PCDHGA8: variants seen among roughly 807,000 people sequenced by gnomAD.
PCDHGA8 encodes the protein protocadherin gamma-A8.
In PCDHGA8, 45 loss-of-function variants were observed where a neutral mutation model predicts 59.2. The observed-to-expected ratio is 0.76, with a 90% CI of 0.60 to 0.98. PCDHGA8 has a LOEUF of 0.98. Ranked by LOEUF, PCDHGA8 falls within the 50% of genes least tolerant of loss-of-function variation. The pLI, the probability that PCDHGA8 is intolerant of heterozygous loss-of-function variation, is 0.00. For missense variants in PCDHGA8, 1,257 were observed against 1,196.2 expected (o/e 1.05, Z -0.75); for synonymous variants, 531 against 519.0 (o/e 1.02, Z -0.32).
chr5:141,427,161 G>A (rs1561826750), intron 1 of PCDHGA8: 1 of 456,698 alleles, frequency 2.2e-6, no homozygotes, highest in Non-Finnish European at 4.4e-6. Flanking sequence ...GTTTGTGCTA[G>A]ACCATCAAAA....
In PCDHGA8 at chr5:141,477,857, C is replaced by A. The variant is rs548674958; in HGVS notation, c.2425-16950C>A. On this transcript the variant is annotated intron_variant, in intron 1 of 3. Transcript: ENST00000398604. The surrounding 1 kb of genome is among the most constrained non-coding windows in gnomAD (Gnocchi z 4.9). ...AGGTGGGAGCTCGGTGGAGATGCTG[C>A]CTCGAGGTACCTCAGCTGGCCACCT... 2.9e-5 allele frequency: 47 copies of A among 1,613,454 alleles called. No individual in the cohort carries two copies. In the South Asian group the frequency reaches 4.9e-4, roughly 17 times the overall value.
At chr5:141,406,021 G>A (rs530576205) in intron 1 of PCDHGA8, among the ~76,000 whole-genome samples, 1 of 151,382 alleles carries the variant, frequency 6.6e-6, no homozygotes, top group East Asian at 1.9e-4. Context: ...GGCTTTTTGG[G>A]TAGGGTTGCT....
At chr5:141,423,533 T>C (rs2096751691) in intron 1 of PCDHGA8, 1 of 1,613,650 alleles carries the variant, frequency 6.2e-7, no homozygotes, top group Non-Finnish European at 8.5e-7. Flanking sequence ...AAGAGTCACC[T>C]GATTTTCCCC....
intron 1 of PCDHGA8, among the ~76,000 whole-genome samples, chr5:141,435,017 C>T (rs1477938779): frequency 1.3e-5 from 2 of 151,994 alleles, no homozygotes; most frequent in Middle Eastern, 3.2e-3. Flanking sequence ...AATGATAATG[C>T]TCTTTTCCCA....
At chr5:141,458,727 A>G (rs1424554234) in intron 1 of PCDHGA8, among the ~76,000 whole-genome samples, 1 of 151,570 alleles carries the variant, frequency 6.6e-6, no homozygotes, top group East Asian at 1.9e-4. Flanking sequence ...TCGCCACCAC[A>G]TCCAGCTATT....
rs747671382 is a variant in PCDHGA8 at position 141,444,152 on chromosome 5, A to ATTTTTT, written c.2424+48946_2424+48951dup. ...GATATGTGTCACTTGTGTGTACTGG[A>ATTTTTT]TTTTTTTTTTTTTTTTTTTTTTTTT... On this transcript the variant is annotated intron_variant, in intron 1 of 3. Coordinates refer to ENST00000398604, the MANE Select transcript of PCDHGA8 (RefSeq NM_032088.2). Among the ~76,000 whole-genome samples the ATTTTTT allele has an allele frequency of 3.5e-4, 12 of 33,898 alleles. 1 individual carries two copies. Among genetic ancestry groups the ATTTTTT allele is most frequent in the African/African-American group, 4.2e-4 (3 of 7,184 alleles). The allele number at this position is 33,898 out of a possible 152,430, so 22.2% of individuals were successfully genotyped here.
At position 141,510,965 on chromosome 5, in the gene PCDHGA8, C is replaced by T. The variant is rs1473736492; in HGVS notation, c.2591C>T (p.Ser864Phe). The T allele has an allele frequency of 3.1e-6, 5 of 1,614,026 alleles. No homozygotes were observed. The highest frequency in any genetic ancestry group is 4.2e-6 in the Non-Finnish European group (5 of 1,180,020). The change falls in exon 4 of 4, where the codon TCC becomes TTC. Residue 864 changes from serine (S) to phenylalanine (F), a missense_variant. Transcript: ENST00000398604. ...TCTGCAGAAGCTGCTGATGGGAGCT[C>T]CACCCTGGGAGGGGGTGCCGGCACC... ...ASASEAADGS[S>F]TLGGGAGTMG...
intron 1 of PCDHGA8, chr5:141,408,708 A>G (rs773303576): frequency 6.2e-6 from 10 of 1,612,888 alleles, no homozygotes; most frequent in Non-Finnish European, 8.5e-6. Flanking sequence ...TCAATTAAAG[A>G]TTATAAGATA....
At chr5:141,422,690 T>G (rs1384522137) in intron 1 of PCDHGA8, 1 of 1,603,908 alleles carries the variant, frequency 6.2e-7, no homozygotes, top group Admixed American at 1.7e-5. Context: ...AATGCCCTGG[T>G]CACTTACTCT....
Position 141,494,815 on chromosome 5 carries a change from G to C in PCDHGA8, c.2433G>C (p.Pro811=). 6.2e-7 allele frequency: 1 copy of C among 1,613,976 alleles called. No individual in the cohort carries two copies. The highest frequency in any genetic ancestry group is 8.5e-7 in the Non-Finnish European group (1 of 1,179,982). Residue 811 remains proline, a synonymous_variant, in exon 2 of 4, where the codon CCG becomes CCC. Transcript: ENST00000398604. Reference sequence around the variant, plus strand: ...CTCTGTTTTCTCCACAGCAAGCCCCGCCCAACACGGACTGGCGTTTCTCTC... The same window carrying C: ...CTCTGTTTTCTCCACAGCAAGCCCCCCCCAACACGGACTGGCGTTTCTCTC... ...KNEADHGQQA[P]PNTDWRFSQA...
Position 141,511,590 on chromosome 5 carries a change from A to C in PCDHGA8, c.*417A>C, listed in dbSNP as rs2099883868. On this transcript the variant is annotated 3_prime_UTR_variant, in exon 4 of 4. Transcript: ENST00000398604. ...AGTAAGGTGGTTGGGGTGTTGAAGT[A>C]CCAAGTAACCTACAAGCCTCCTAGT... The C allele has an allele frequency of 3.7e-6, 1 of 267,790 alleles. No homozygotes were observed. Among genetic ancestry groups the C allele is most frequent in the Admixed American group, 4.8e-5 (1 of 20,946 alleles). The allele number at this position is 267,790 out of a possible 1,614,324, so 16.6% of individuals were successfully genotyped here.
chr5:141,419,886 G>A lies in PCDHGA8; in HGVS notation c.2424+24649G>A, dbSNP rs1195529127. ...TTGCAAGAGGTACTGCCGGATTTCA[G>A]CGACCATCCCACACCCTCTGACTCC... On this transcript the variant is annotated intron_variant, in intron 1 of 3. Transcript: ENST00000398604. 1.9e-6 allele frequency: 3 copies of A among 1,614,076 alleles called. No individual in the cohort carries two copies. In the East Asian group the frequency reaches 6.7e-5, roughly 36 times the overall value.
At chr5:141,494,755 C>T (rs1246224213) in intron 1 of PCDHGA8, 52 bp from the exon 2 acceptor site, 18 of 1,613,724 alleles carry the variant, frequency 1.1e-5, no homozygotes, top group African/African-American at 1.3e-5. Context: ...GCTCGGGTGA[C>T]ATTCTAACTT....
At chr5:141,404,323 C>G (rs777252767) in intron 1 of PCDHGA8, 24 of 1,613,756 alleles carry the variant, frequency 1.5e-5, no homozygotes, top group Non-Finnish European at 2.0e-5. Flanking sequence ...AAGCCTCCTA[C>G]TCAGTCTACC....
chr5:141,431,571 A>T lies in PCDHGA8; in HGVS notation c.2424+36334A>T, dbSNP rs781289120. 1.2e-6 allele frequency: 2 copies of T among 1,614,026 alleles called. No homozygotes were observed. Among genetic ancestry groups the T allele is most frequent in the African/African-American group, 1.3e-5 (1 of 74,938 alleles). On this transcript the variant is annotated intron_variant, in intron 1 of 3. Coordinates refer to ENST00000398604, the MANE Select transcript of PCDHGA8 (RefSeq NM_032088.2). This position sits in a 1 kb window ranked among gnomAD's most constrained non-coding sequence, Gnocchi z 4.8. ...GTAGTCAACGCTACCGACCCTGACG[A>T]AGGAGTCAATGCGGAAGTGAGGTAT...
At chr5:141,462,648 C>T (rs2099044153) in intron 1 of PCDHGA8, among the ~76,000 whole-genome samples, 1 of 137,364 alleles carries the variant, frequency 7.3e-6, no homozygotes, top group Admixed American at 7.1e-5. Flanking sequence ...TCATTTCCAT[C>T]CTCAATTATC....
intron 1 of PCDHGA8, chr5:141,414,344 T>C: frequency 6.2e-7 from 1 of 1,613,882 alleles, no homozygotes; most frequent in Non-Finnish European, 8.5e-7. Flanking sequence ...ACCTGTTCCA[T>C]TTTGGCGTAT....
chr5:141,414,783 G>C, intron 1 of PCDHGA8: 2 of 1,614,220 alleles, frequency 1.2e-6, no homozygotes, highest in Non-Finnish European at 1.7e-6. Context: ...AGATGCAGGT[G>C]ACAGCCAGCG....
At chr5:141,396,729 T>C (rs1197764011) in intron 1 of PCDHGA8, 1 of 152,214 alleles carries the variant, frequency 6.6e-6, no homozygotes, top group Non-Finnish European at 1.5e-5. Flanking sequence ...CCTGAATTGA[T>C]TGTTGTAAGG....
Sources: gnomAD v4.1 joint callset for allele counts (sites outside exome capture counted in the v4.1 genomes callset) on GRCh38, gnomAD v4.1.1 for gene constraint, Gnocchi (gnomAD v3.1) non-coding constraint, MANE v1.5 for transcripts, NCBI Gene and HGNC (gene_info 2026-07-23, HGNC 2026-07-21) for gene names.